Variants in EFHB observed in about 807,000 individuals in gnomAD.
The protein encoded by EFHB is EF-hand domain-containing family member B.
Under a neutral mutation model 87.2 loss-of-function variants are expected in EFHB, and 91 were observed. That is an observed-to-expected ratio of 1.04 (90% CI 0.88 to 1.24). The LOEUF is 1.24. Among genes scored for constraint, EFHB ranks in the 50% most tolerant of loss-of-function variants. The probability of loss-of-function intolerance (pLI) is 0.00; values close to 1 mark genes in which losing one functional copy is unlikely to be tolerated. For missense variants in EFHB, 1,084 were observed against 998.8 expected, an observed-to-expected ratio of 1.09 and a Z score of -1.15; for synonymous variants, 325 against 333.6, an observed-to-expected ratio of 0.97 and a Z score of 0.28.
At chr3:19,892,888 A>G (rs1438214864) in intron 9 of EFHB, among the ~76,000 whole-genome samples, 1 of 147,302 alleles carries the variant, frequency 6.8e-6, no homozygotes, top group Non-Finnish European at 1.5e-5. Flanking sequence ...AAATAAAATA[A>G]TATAAAATCA....
At position 19,918,654 on chromosome 3, in the gene EFHB, G is replaced by C. The variant is rs1695322787; in HGVS notation, c.997-242C>G. Among the ~76,000 whole-genome samples, 3 of 152,026 alleles carry C rather than the reference G, an allele frequency of 2.0e-5. No homozygotes were observed. In the East Asian group the frequency reaches 5.8e-4, roughly 29 times the overall value. ...TGATACTAAAAGGTTTACAATGATA[G>C]CTTCCAGGTTACTTGACTCAAATAT... On this transcript the variant is annotated intron_variant, in intron 3 of 12. Transcript: ENST00000295824.
In EFHB at chr3:19,890,530, A is replaced by G. The variant is rs146572100; in HGVS notation, c.1726-1879T>C. Among the ~76,000 whole-genome samples the G allele has an allele frequency of 2.0e-5, 3 of 152,332 alleles. No individual in the cohort carries two copies. The East Asian group carries it at 5.8e-4, about 29-fold the overall frequency. ...TTAAAGATAACCATGTATTATTGCT[A>G]CGGCTTCCAAGCCTGAATATTTAAT... On this transcript the variant is annotated intron_variant, in intron 9 of 12. Coordinates refer to ENST00000295824, the MANE Select transcript of EFHB (RefSeq NM_144715.4).
At chr3:19,889,202 A>T (rs1694216033) in intron 9 of EFHB, among the ~76,000 whole-genome samples, 1 of 152,196 alleles carries the variant, frequency 6.6e-6, no homozygotes, top group African/African-American at 2.4e-5. Flanking sequence ...ACCTACACTG[A>T]GTATGAACAG....
chr3:19,901,916 C>T (rs1337161664), intron 6 of EFHB, among the ~76,000 whole-genome samples: 1 of 150,970 alleles, frequency 6.6e-6, no homozygotes, highest in Non-Finnish European at 1.5e-5. Flanking sequence ...CACCACTGCA[C>T]TCCAGCCTGG....
chr3:19,908,562 A>AC (rs1279876878), intron 5 of EFHB, among the ~76,000 whole-genome samples: 1 of 83,818 alleles, frequency 1.2e-5, no homozygotes, highest in African/African-American at 4.9e-5. Context: ...GAAAGAGAGA[A>AC]AGAGAGAGAG....
intron 11 of EFHB, 149 bp from the exon 12 acceptor site, chr3:19,882,880 A>G (rs1403995166): frequency 7.4e-6 from 4 of 544,150 alleles, no homozygotes; most frequent in Non-Finnish European, 1.2e-5. Context: ...ACATTTTAGT[A>G]AAAAAAGGAA....
At chr3:19,918,928 C>A (rs1440060754) in intron 3 of EFHB, among the ~76,000 whole-genome samples, 2 of 142,816 alleles carry the variant, frequency 1.4e-5, no homozygotes, top group Non-Finnish European at 3.0e-5. Flanking sequence ...TATAGTGAGC[C>A]AAGACCACAC....
intron 2 of EFHB, 94 bp downstream of exon 2, chr3:19,920,411 A>C: frequency 3.8e-6 from 4 of 1,040,384 alleles, no homozygotes; most frequent in South Asian, 1.5e-5. Flanking sequence ...CATTAAGTTT[A>C]TACCACTTTC....
chr3:19,888,935 C>A (rs932088674), intron 9 of EFHB, among the ~76,000 whole-genome samples: 1 of 152,156 alleles, frequency 6.6e-6, no homozygotes, highest in African/African-American at 2.4e-5. Flanking sequence ...TTTAACCTGG[C>A]AATAAATGGC....
rs185921939 is a variant in EFHB, at chr3:19,893,257, G to A, written c.1725+3430C>T. Among the ~76,000 whole-genome samples, 477 of 152,180 alleles carry A rather than the reference G, an allele frequency of 3.1e-3. 2 individuals carry two copies. Among genetic ancestry groups the A allele is most frequent in the African/African-American group, 0.011 (439 of 41,510 alleles). On this transcript the variant is annotated intron_variant, in intron 9 of 12. Transcript: ENST00000295824. Reference sequence around the variant, plus strand: ...TGCCCAGCCCATATTCTCTATTTTCGCCTAGACCTTTTGTTAGGAAAGGTC... The same window carrying A: ...TGCCCAGCCCATATTCTCTATTTTCACCTAGACCTTTTGTTAGGAAAGGTC...
At position 19,939,256 on chromosome 3, in the gene EFHB, C is replaced by G. The variant is rs527496637; in HGVS notation, c.-31-2922G>C. Among the ~76,000 whole-genome samples, 6 of 151,458 alleles carry G rather than the reference C, an allele frequency of 4.0e-5. No homozygotes were observed. The South Asian group carries it at 6.3e-4, about 16-fold the overall frequency. ...CCTGTTGTCCCCCTTGCTTGGAATG[C>G]TTTATTCCAACTCATCCTCTGCCCT... On this transcript the variant is annotated intron_variant, in intron 1 of 14. Transcript: ENST00000344838.
chr3:19,919,912 C>G lies in EFHB; in HGVS notation c.917G>C (p.Arg306Thr), dbSNP rs777063208. The change falls in exon 3 of 13, where the codon AGA becomes ACA. Residue 306 changes from arginine to threonine, a missense_variant. Transcript: ENST00000295824. ...NFRYPPAGVE[R>T]VFYGRANDPQ... ...ATCATTTGCTCTTCCGTAAAATACT[C>G]TTTCTACTCCAGCAGGTGGATATCT... 6.2e-7 allele frequency: 1 copy of G among 1,613,752 alleles called. No homozygotes were observed. Among genetic ancestry groups the G allele is most frequent in the Non-Finnish European group, 8.5e-7 (1 of 1,179,768 alleles).
intron 1 of EFHB, 102 bp downstream of exon 1, chr3:19,933,128 G>C: frequency 7.4e-7 from 1 of 1,344,702 alleles, no homozygotes; most frequent in Non-Finnish European, 9.9e-7. Context: ...AAATCCTTGT[G>C]ATTTGTCTCT....
At chr3:19,888,408 AAATAAT>A (rs746603079) in intron 10 of EFHB, 30 bp downstream of exon 10, 2 of 1,196,696 alleles carry the variant, frequency 1.7e-6, no homozygotes, top group East Asian at 6.0e-5. Flanking sequence ...AAATTTAAAA[AAATAAT>A]AATTCATCAA....
At position 19,914,322 on chromosome 3, in the gene EFHB, G is replaced by A. The variant is rs190490227; in HGVS notation, c.1288+981C>T. Reference sequence around the variant, plus strand: ...GTGAATAAAATATTTTCACAAGACTGAGTTTATAAACCATGCACAATCCAT... The same window carrying A: ...GTGAATAAAATATTTTCACAAGACTAAGTTTATAAACCATGCACAATCCAT... On this transcript the variant is annotated intron_variant, in intron 5 of 12. Transcript: ENST00000295824. Among the ~76,000 whole-genome samples the A allele has an allele frequency of 5.6e-4, 86 of 152,254 alleles. 1 individual carries two copies. The highest frequency in any genetic ancestry group is 3.5e-3 in the East Asian group (18 of 5,182).
intron 3 of EFHB, among the ~76,000 whole-genome samples, chr3:19,919,364 C>CTTT (rs752615220): frequency 7.3e-6 from 1 of 137,252 alleles, no homozygotes. Context: ...GCCCCAGCTG[C>CTTT]TTTTTTTTTT....
In EFHB at chr3:19,918,358, C is replaced by G; in HGVS notation, c.1051G>C (p.Asp351His). ...CTAAGATATATAGATTCTTTTTTAT[C>G]TTTAATTTTCTGTTGAAATGTGGTA... ...PITTFQQKIKDKKESIYLSNR... is the reference protein window; with the variant it reads ...PITTFQQKIKHKKESIYLSNR... Residue 351 changes from aspartate (D) to histidine (H), a missense_variant, in exon 4 of 13, where the codon GAT becomes CAT. Physicochemically the swap from Asp to His is moderately conservative, Grantham distance 81. Coordinates refer to ENST00000295824, the MANE Select transcript of EFHB (RefSeq NM_144715.4). 6.2e-7 allele frequency: 1 copy of G among 1,610,802 alleles called. No individual in the cohort carries two copies. The highest frequency in any genetic ancestry group is 1.7e-5 in the Admixed American group (1 of 59,526).
At chr3:19,915,740 T>C (rs936458253) in intron 4 of EFHB, among the ~76,000 whole-genome samples, 5 of 144,408 alleles carry the variant, frequency 3.5e-5, no homozygotes, top group Admixed American at 2.8e-4. Flanking sequence ...GCCAACATGG[T>C]GAAACCCCAT....
chr3:19,943,762 G>A (rs1180876327), intron 1 of EFHB, among the ~76,000 whole-genome samples: 1 of 152,112 alleles, frequency 6.6e-6, no homozygotes, highest in Non-Finnish European at 1.5e-5. Context: ...GAGTGTCCAA[G>A]AACCAATCAC....
Sources: gnomAD v4.1 joint callset for allele counts (sites outside exome capture counted in the v4.1 genomes callset) on GRCh38, gnomAD v4.1.1 for gene constraint, MANE v1.5 for transcripts, NCBI Gene and HGNC (gene_info 2026-07-23, HGNC 2026-07-21) for gene names.